DNAH12: variants seen among roughly 807,000 people sequenced by gnomAD.
DNAH12 encodes the protein dynein axonemal heavy chain 12.
A neutral mutation model predicts 371.5 loss-of-function variants in DNAH12; 285 were observed. That is an observed-to-expected ratio of 0.77 (90% CI 0.70 to 0.85). The LOEUF is 0.85. Among genes scored for constraint, DNAH12 ranks in the 40% least tolerant of loss-of-function variants. DNAH12 has a pLI of 0.00. For missense variants in DNAH12, 3,611 were observed against 3,689.4 expected (o/e 0.98, Z 0.55); for synonymous variants, 1,200 against 1,213.0 (o/e 0.99, Z 0.22).
chr3:57,444,246 T>C (rs962177208), intron 29 of DNAH12, among the ~76,000 whole-genome samples: 3 of 151,712 alleles, frequency 2.0e-5, no homozygotes, highest in Non-Finnish European at 4.4e-5. Flanking sequence ...TAATAATACT[T>C]ATTCTCTTAC....
In DNAH12 at chr3:57,433,841, A is replaced by C; in HGVS notation, c.4656-13T>G. On this transcript the variant is annotated splice_polypyrimidine_tract_variant and intron_variant, in intron 30 of 73. Coordinates refer to ENST00000495027, the MANE Select transcript of DNAH12 (RefSeq NM_001366028.2). ...TACTAACATAAAACTATGAAGGAAA[A>C]GAAATAATTATACAATAAGAGTCTT... The C allele has an allele frequency of 6.6e-7, 1 of 1,511,328 alleles. No individual in the cohort carries two copies. 93.6% of individuals were successfully genotyped at this position (1,511,328 alleles called of 1,614,324 possible). A position where few individuals can be genotyped will look rare whatever the true frequency, so the allele number is the denominator to read the frequency against.
In DNAH12 at chr3:57,322,483, A is replaced by G. The variant is rs1372535289; in HGVS notation, c.10384T>C (p.Phe3462Leu). ...LWLTSYPSSK[F>L]PVTILQNGVK... ...CCATTCTGTAGAATTGTTACTGGGA[A>G]CTAAGACAAAATAAATGGAGAGCAT... The change falls in exon 65 of 74, where the codon TTC becomes CTC. Residue 3462 changes from phenylalanine to leucine, a missense_variant and splice_region_variant. Phe to Leu is a conservative substitution (Grantham distance 22). Around this residue, in one of 3 missense-constraint regions of DNAH12, gnomAD observed 2,266 missense variants for 2,236.9 expected, o/e 1.01. Coordinates refer to ENST00000495027, the MANE Select transcript of DNAH12 (RefSeq NM_001366028.2). 4.5e-6 allele frequency: 7 copies of G among 1,550,830 alleles called. No individual in the cohort carries two copies. The highest frequency in any genetic ancestry group is 6.1e-6 in the Non-Finnish European group (7 of 1,146,762).
rs1470050004 is a variant in DNAH12 at position 57,435,377 on chromosome 3, A to C, written c.4656-1549T>G. 9.6e-3 allele frequency among the ~76,000 whole-genome samples: 1,433 copies of C among 149,456 alleles called. 18 individuals carry two copies. The highest frequency in any genetic ancestry group is 0.034 in the African/African-American group (1,357 of 40,190). ...ATAGACCAAGACTCTGTCTCCCAAA[A>C]AAAAAAAAAAAAAAAGAATATAATT... On this transcript the variant is annotated intron_variant, in intron 30 of 73. Coordinates refer to ENST00000495027, the MANE Select transcript of DNAH12 (RefSeq NM_001366028.2).
intron 8 of DNAH12, among the ~76,000 whole-genome samples, chr3:57,506,075 A>G (rs2067748475): frequency 6.6e-6 from 1 of 152,144 alleles, no homozygotes; most frequent in Admixed American, 6.5e-5. Flanking sequence ...GAATATCAAC[A>G]ATCTTAAAAT....
At chr3:57,428,252 C>T (rs2064843753) in intron 34 of DNAH12, 2 of 735,268 alleles carry the variant, frequency 2.7e-6, no homozygotes, top group Non-Finnish European at 3.8e-6. Flanking sequence ...AAGTTTGTGG[C>T]AATTTGTTAT....
chr3:57,331,241 A>G (rs1377272279), intron 62 of DNAH12, among the ~76,000 whole-genome samples: 2 of 152,200 alleles, frequency 1.3e-5, no homozygotes, highest in East Asian at 1.9e-4. Context: ...CAAAAACCCT[A>G]CATGTGGTAT....
At chr3:57,542,168 G>C (rs971070772) in intron 2 of DNAH12, among the ~76,000 whole-genome samples, 6 of 116,936 alleles carry the variant, frequency 5.1e-5, no homozygotes, top group Admixed American at 2.6e-4. Context: ...GGGGGGGGGG[G>C]GCGGTGAGTA....
intron 45 of DNAH12, among the ~76,000 whole-genome samples, chr3:57,390,926 C>T (rs1163021850): frequency 2.6e-5 from 4 of 152,142 alleles, no homozygotes; most frequent in African/African-American, 7.2e-5. Context: ...AATACCTTGC[C>T]AATGTCTTTG....
intron 60 of DNAH12, among the ~76,000 whole-genome samples, chr3:57,337,760 C>T (rs571866160): frequency 6.6e-6 from 1 of 152,102 alleles, no homozygotes; most frequent in East Asian, 1.9e-4. Flanking sequence ...AGAGGTACAC[C>T]CCAATACAAC....
At position 57,420,892 on chromosome 3, in the gene DNAH12, G is replaced by C. The variant is rs557435503; in HGVS notation, c.5562+626C>G. 5.3e-5 allele frequency among the ~76,000 whole-genome samples: 6 copies of C among 113,480 alleles called. No individual in the cohort carries two copies. In the South Asian group the frequency reaches 8.3e-4, roughly 16 times the overall value. 74.4% of individuals were successfully genotyped at this position (113,480 alleles called of 152,430 possible). On this transcript the variant is annotated intron_variant, in intron 36 of 73. Transcript: ENST00000495027. ...CCACCGCACTCCAGCCTGGACAATA[G>C]AGCAAGACTCCGTCTCAAAAAAAAA... is the stretch of plus-strand genomic sequence containing the variant.
rs1222173797 is a variant in DNAH12, at chr3:57,462,810, T to C, written c.2415A>G (p.Ile805Met). 8 of 1,551,566 alleles carry C rather than the reference T, an allele frequency of 5.2e-6. No homozygotes were observed. The Admixed American group carries it at 1.2e-4, about 23-fold the overall frequency. ...TCAAGTCATAGCCTACAATTTCTGATATCTGTTTCCAGTGACGAGCTCTCA... is the reference window on the plus strand; with the variant it reads ...TCAAGTCATAGCCTACAATTTCTGACATCTGTTTCCAGTGACGAGCTCTCA... ...PGMRARHWKQISEIVGYDLTP... is the reference protein window; with the variant it reads ...PGMRARHWKQMSEIVGYDLTP... Residue 805 changes from isoleucine to methionine, a missense_variant, in exon 18 of 74, where the codon ATA becomes ATG. By Grantham distance (10) the Ile-to-Met change is conservative. This residue lies in a region of DNAH12 where 1,314 missense variants were observed against 1,398.7 expected (regional missense o/e 0.94). Transcript: ENST00000495027.
intron 57 of DNAH12, 62 bp downstream of exon 57, chr3:57,366,667 A>G (rs1392118213): frequency 6.6e-6 from 1 of 152,252 alleles, no homozygotes; most frequent in African/African-American, 2.4e-5. Context: ...CAAAACATAA[A>G]TATTAATGAC....
chr3:57,439,245 C>T (rs187401947), intron 29 of DNAH12, among the ~76,000 whole-genome samples: 15 of 152,214 alleles, frequency 9.9e-5, no homozygotes, highest in Admixed American at 2.6e-4. Flanking sequence ...GCCTGAATAG[C>T]CAAAGCAATC....
At chr3:57,398,691 T>A (rs1316512925) in intron 43 of DNAH12, among the ~76,000 whole-genome samples, 1 of 152,206 alleles carries the variant, frequency 6.6e-6, no homozygotes, top group African/African-American at 2.4e-5. Context: ...AAGGACAATG[T>A]ATCTGGTACA....
intron 2 of DNAH12, among the ~76,000 whole-genome samples, chr3:57,524,625 C>A (rs1335098756): frequency 6.6e-6 from 1 of 151,602 alleles, no homozygotes; most frequent in Non-Finnish European, 1.5e-5. Context: ...ATATAGGTAC[C>A]CTGTGGTTCA....
chr3:57,305,300 TA>T (rs1440889458), intron 69 of DNAH12, among the ~76,000 whole-genome samples: 3 of 151,928 alleles, frequency 2.0e-5, no homozygotes, highest in African/African-American at 4.8e-5. Context: ...TGAGTCTTTC[TA>T]ATCTTCCTTT....
At chr3:57,436,021 A>G (rs2153367166) in intron 30 of DNAH12, among the ~76,000 whole-genome samples, 1 of 152,018 alleles carries the variant, frequency 6.6e-6, no homozygotes, top group South Asian at 2.1e-4. Flanking sequence ...TGCCCACTTC[A>G]TATGTGCCCA....
rs192352360 is a variant in DNAH12 at position 57,521,387 on chromosome 3, G to A, written c.279+2196C>T. 6.4e-3 allele frequency among the ~76,000 whole-genome samples: 970 copies of A among 152,004 alleles called. 5 individuals are homozygous for A. The highest frequency in any genetic ancestry group is 0.011 in the Non-Finnish European group (722 of 67,984). On this transcript the variant is annotated intron_variant, in intron 4 of 73. Transcript: ENST00000495027. ...TTCGCAACTTAGTCAAAAATCAGGGGGATGGTGGCATGCTCTTGTAGTCCC... is the reference window on the plus strand; with the variant it reads ...TTCGCAACTTAGTCAAAAATCAGGGAGATGGTGGCATGCTCTTGTAGTCCC...
At chr3:57,537,357 T>A (rs1346684864) in intron 2 of DNAH12, among the ~76,000 whole-genome samples, 2 of 152,146 alleles carry the variant, frequency 1.3e-5, no homozygotes, top group African/African-American at 4.8e-5. Flanking sequence ...GATGAGGTAG[T>A]AGCTAAGGAA....
Sources: allele counts gnomAD v4.1 joint callset (sites outside exome capture counted in the v4.1 genomes callset), GRCh38; gene constraint gnomAD v4.1.1; regional missense constraint gnomAD v4.1.1; transcripts MANE v1.5; gene names NCBI Gene and HGNC (gene_info 2026-07-23, HGNC 2026-07-21).